RAB3IL1: variants seen among roughly 807,000 people sequenced by gnomAD.
RAB3IL1 encodes the protein guanine nucleotide exchange factor for Rab-3A.
RAB3IL1 carries 37 observed loss-of-function variants against 49.2 expected under a neutral mutation model. The observed-to-expected ratio is 0.75, with a 90% CI of 0.58 to 0.99. The LOEUF is 0.99. Ranked by LOEUF, RAB3IL1 falls within the 50% of genes least tolerant of loss-of-function variation. RAB3IL1 has a pLI of 0.00. For synonymous variants in RAB3IL1, 193 were observed against 213.9 expected (o/e 0.90, Z 0.85); for missense variants, 484 against 513.0 (o/e 0.94, Z 0.55).
chr11:61,929,274 G>A, the RAB3IL1 span, among the ~76,000 whole-genome samples: 1 of 152,070 alleles, frequency 6.6e-6, no homozygotes, highest in Non-Finnish European at 1.5e-5. Flanking sequence ...GGAGGCTGAG[G>A]CAGGTGGATC....
At chr11:61,934,612 G>A in the RAB3IL1 span, among the ~76,000 whole-genome samples, 106 of 151,062 alleles carry the variant, frequency 7.0e-4, no homozygotes, top group African/African-American at 2.5e-3. Context: ...GTGCACATGC[G>A]TGCCTAGGGC....
Position 61,907,422 on chromosome 11 carries a change from C to A in RAB3IL1, c.409G>T (p.Glu137Ter). ...CCCCGAGCCTCCTTCAGCTGCTTTT[C>A]TGATGCCGCCTGCTTCATGTTGGCT... ...REANMKQAASEKQLKEARGKI... is the reference protein window; with the variant it reads ...REANMKQAAS The change falls in exon 4 of 10, where the codon GAA becomes TAA. Residue 137 changes from glutamate to a stop codon, truncating the protein, a stop_gained. Coordinates refer to ENST00000394836, the MANE Select transcript of RAB3IL1 (RefSeq NM_013401.4). LOFTEE classifies it high-confidence loss of function. The A allele has an allele frequency of 6.2e-7, 1 of 1,614,174 alleles. No individual in the cohort carries two copies. Among genetic ancestry groups the A allele is most frequent in the Non-Finnish European group, 8.5e-7 (1 of 1,180,040 alleles).
At chr11:61,907,092 G>T (rs994709556) in intron 4 of RAB3IL1, among the ~76,000 whole-genome samples, 2 of 152,222 alleles carry the variant, frequency 1.3e-5, no homozygotes, top group Non-Finnish European at 2.9e-5. Flanking sequence ...TTTCTGCTTT[G>T]TAAAGTGGGG....
At chr11:61,926,818 G>T in the RAB3IL1 span, among the ~76,000 whole-genome samples, 1 of 152,098 alleles carries the variant, frequency 6.6e-6, no homozygotes, top group South Asian at 2.1e-4. Flanking sequence ...CTCCCAAAGT[G>T]CTGGAATTGT....
At chr11:61,919,914 A>G, upstream of RAB3IL1, 1 of 579,636 alleles carries the variant, frequency 1.7e-6, no homozygotes, top group South Asian at 9.2e-5. Flanking sequence ...ACCTCTGTAC[A>G]GCCACCAAAT....
chr11:61,903,939 C>G (rs1017787369), intron 7 of RAB3IL1, among the ~76,000 whole-genome samples: 1 of 152,104 alleles, frequency 6.6e-6, no homozygotes, highest in Non-Finnish European at 1.5e-5. Flanking sequence ...TGTCCCCCCA[C>G]TGCTTAGCCA....
At position 61,906,637 on chromosome 11, in the gene RAB3IL1, G is replaced by C; in HGVS notation, c.486C>G (p.Ile162Met). ...GGTTGGGAGAGGCTGGTGTGGACGT[G>C]ATGACCAGCGTCTTCAAGGCTGTCA... The part of the protein sequence containing the change: ...AEVTALKTLV[I>M]TSTPASPNRE... Residue 162 changes from isoleucine to methionine, a missense_variant, in exon 5 of 10, where the codon ATC (isoleucine) becomes ATG (methionine). Transcript: ENST00000394836. The surrounding 1 kb of genome is among the most constrained non-coding windows in gnomAD (Gnocchi z 4.6). The C allele has an allele frequency of 6.2e-7, 1 of 1,611,456 alleles. No homozygotes were observed. Among genetic ancestry groups the C allele is most frequent in the Non-Finnish European group, 8.5e-7 (1 of 1,179,216 alleles).
chr11:61,912,708 AG>A (rs1565366015), intron 1 of RAB3IL1, among the ~76,000 whole-genome samples: 3 of 152,084 alleles, frequency 2.0e-5, no homozygotes, highest in African/African-American at 7.3e-5. Flanking sequence ...TGTCACCCAG[AG>A]GAAAGGGGAT....
rs146713554 is a variant in RAB3IL1 at position 61,899,651 on chromosome 11, C to T, written c.1000-271G>A. The T allele has an allele frequency of 3.7e-5, 15 of 409,876 alleles. No individual in the cohort carries two copies. The East Asian group carries it at 5.5e-4, about 15-fold the overall frequency. The allele number at this position is 409,876 out of a possible 1,614,324, so 25.4% of individuals were successfully genotyped here. On this transcript the variant is annotated intron_variant, in intron 8 of 9. Transcript: ENST00000394836. ...TTATTCCATCTTACATGGGGGAAAG[C>T]GGAGCCACCCGGGGAAAGCCGCTGA...
At chr11:61,933,994 T>C in the RAB3IL1 span, among the ~76,000 whole-genome samples, 632 of 151,846 alleles carry the variant, frequency 4.2e-3, 2 homozygotes, top group African/African-American at 0.014. Flanking sequence ...GCTCTACCAG[T>C]GAGGACTCAG....
At chr11:61,904,295 C>T (rs1443515483) in intron 7 of RAB3IL1, among the ~76,000 whole-genome samples, 3 of 152,130 alleles carry the variant, frequency 2.0e-5, no homozygotes. Context: ...AACTGATAAT[C>T]ATGGTTCAAG....
chr11:61,921,239 G>C (rs1394910420), upstream of RAB3IL1, among the ~76,000 whole-genome samples: 1 of 152,068 alleles, frequency 6.6e-6, no homozygotes, highest in African/African-American at 2.4e-5. Flanking sequence ...CACCGCCCAG[G>C]AACAACTCAG....
intron 2 of RAB3IL1, 124 bp downstream of exon 2, chr11:61,907,930 C>G (rs1939281150): frequency 1.4e-6 from 2 of 1,420,094 alleles, no homozygotes; most frequent in Non-Finnish European, 1.9e-6. Context: ...TGGCCAGCAG[C>G]TGGCCTCGGT....
the RAB3IL1 span, among the ~76,000 whole-genome samples, chr11:61,939,075 G>A: frequency 9.8e-4 from 149 of 151,626 alleles, no homozygotes; most frequent in African/African-American, 3.4e-3. Flanking sequence ...AACCATAGCA[G>A]AATATACATT....
At chr11:61,914,447 A>G (rs1276411675) in intron 1 of RAB3IL1, among the ~76,000 whole-genome samples, 1 of 152,262 alleles carries the variant, frequency 6.6e-6, no homozygotes, top group East Asian at 1.9e-4. Context: ...CCAAGTGTCC[A>G]GCACCATGTT....
intron 8 of RAB3IL1, among the ~76,000 whole-genome samples, chr11:61,901,403 G>A (rs983957667): frequency 6.6e-6 from 1 of 152,194 alleles, no homozygotes; most frequent in East Asian, 1.9e-4. Context: ...ACTCACGGCC[G>A]ACTTAAGGCT....
At chr11:61,925,065 G>A (rs529999206), upstream of RAB3IL1, among the ~76,000 whole-genome samples, 7 of 152,188 alleles carry the variant, frequency 4.6e-5, no homozygotes, top group Admixed American at 6.5e-5. Context: ...GGATCTTTAC[G>A]CGCAATCTCA....
At chr11:61,907,898 A>G (rs1293275124) in intron 2 of RAB3IL1, among the ~76,000 whole-genome samples, 156 bp downstream of exon 2, 5 of 152,142 alleles carry the variant, frequency 3.3e-5, no homozygotes, top group Non-Finnish European at 7.4e-5. Flanking sequence ...ACGGGTGACC[A>G]TCGGTGCGCC....
chr11:61,907,635 C>T lies in RAB3IL1; in HGVS notation c.290G>A (p.Cys97Tyr), dbSNP rs1939262843. The T allele has an allele frequency of 3.7e-6, 6 of 1,614,018 alleles. No homozygotes were observed. The Admixed American group carries it at 6.7e-5, about 18-fold the overall frequency. ...QKELKLKDEE[C>Y]ERLSKVREQL... The stretch of plus-strand genomic sequence containing the variant: ...CTCCCGCACCTTGGACAGCCGCTCA[C>T]ATTCCTCGTCCTTTAGCTTCAGCTC... The change falls in exon 3 of 10, where the codon TGT becomes TAT. Residue 97 changes from cysteine (C) to tyrosine (Y), a missense_variant. Transcript: ENST00000394836.
Sources: gnomAD v4.1 joint callset for allele counts (sites outside exome capture counted in the v4.1 genomes callset) on GRCh38, gnomAD v4.1.1 for gene constraint, Gnocchi (gnomAD v3.1) non-coding constraint, MANE v1.5 for transcripts, NCBI Gene and HGNC (gene_info 2026-07-23, HGNC 2026-07-21) for gene names.